Variants in XKR5 observed in about 807,000 individuals in gnomAD.
XKR5 encodes XK-related protein 5.
Under a neutral mutation model 40.8 loss-of-function variants are expected in XKR5, and 46 were observed. The ratio of observed to expected loss-of-function variants is 1.13; its 90% CI spans 0.89 to 1.44. The LOEUF (loss-of-function observed/expected upper bound fraction) is 1.44. XKR5 is among the 40% of genes most tolerant of loss of function. The pLI, the probability that XKR5 is intolerant of heterozygous loss-of-function variation, is 0.00. For synonymous variants in XKR5, 466 were observed against 356.1 expected, an observed-to-expected ratio of 1.31 and a Z score of -3.48; for missense variants, 1,169 against 844.7, an observed-to-expected ratio of 1.38 and a Z score of -4.76.
At chr8:6,815,743 C>T in intron 6 of XKR5, 64 bp downstream of exon 6, 1 of 1,179,914 alleles carries the variant, frequency 8.5e-7, no homozygotes, top group Non-Finnish European at 1.2e-6. Context: ...CCTTTGAGCC[C>T]ATTGTAAAAA....
rs1475924857 is a variant in XKR5, at chr8:6,821,851, A to C, written c.807+18T>G. 3 of 1,610,414 alleles carry C rather than the reference A, an allele frequency of 1.9e-6. No individual in the cohort carries two copies. Among genetic ancestry groups the C allele is most frequent in the Non-Finnish European group, 2.5e-6 (3 of 1,178,126 alleles). On this transcript the variant is annotated intron_variant, in intron 5 of 6. Transcript: ENST00000618742. ...TGTATACACTGTAAAAGTTAGGATA[A>C]AGAAAAGTGCCACTTGCCATGTAGA...
chr8:6,830,134 G>C (rs1804694039), intron 2 of XKR5, among the ~76,000 whole-genome samples: 2 of 152,200 alleles, frequency 1.3e-5, no homozygotes, highest in South Asian at 2.1e-4. Flanking sequence ...ACCGCGCCAG[G>C]CCTCAATCCT....
intron 2 of XKR5, among the ~76,000 whole-genome samples, chr8:6,832,408 T>C (rs1318054140): frequency 6.6e-6 from 1 of 152,194 alleles, no homozygotes; most frequent in Non-Finnish European, 1.5e-5. Context: ...TAAGTTGCTT[T>C]ATATGGAACT....
At position 6,830,238 on chromosome 8, in the gene XKR5, T is replaced by G. The variant is rs187092896; in HGVS notation, c.242+2479A>C. On this transcript the variant is annotated intron_variant, in intron 2 of 6. Transcript: ENST00000618742. ...GAGGACACTCAAAGTGACCTATTCTTAGGCAATTCAAAATTGTGCCAAACG... is the reference window on the plus strand; with the variant it reads ...GAGGACACTCAAAGTGACCTATTCTGAGGCAATTCAAAATTGTGCCAAACG... Among the ~76,000 whole-genome samples, 3 of 152,336 alleles carry G rather than the reference T, an allele frequency of 2.0e-5. No homozygotes were observed. The East Asian group carries it at 5.8e-4, about 29-fold the overall frequency.
chr8:6,821,223 C>T lies in XKR5; in HGVS notation c.807+646G>A, dbSNP rs142004548. Among the ~76,000 whole-genome samples, 3 of 152,296 alleles carry T rather than the reference C, an allele frequency of 2.0e-5. No individual in the cohort carries two copies. In the East Asian group the frequency reaches 5.8e-4, roughly 29 times the overall value. On this transcript the variant is annotated intron_variant, in intron 5 of 6. Coordinates refer to ENST00000618742, the MANE Select transcript of XKR5 (RefSeq NM_207411.5). ...ATGTGATTGTATTTTCTCTCCTTTG[C>T]CCATTATAATCCAGCTCAACCTCCA... is the stretch of plus-strand genomic sequence containing the variant.
intron 5 of XKR5, among the ~76,000 whole-genome samples, chr8:6,816,213 A>G (rs1803952796): frequency 6.6e-6 from 1 of 152,116 alleles, no homozygotes; most frequent in African/African-American, 2.4e-5. Context: ...GAGAGTCATT[A>G]TGGGCTGAGA....
intron 5 of XKR5, among the ~76,000 whole-genome samples, chr8:6,820,277 A>G (rs1804172712): frequency 1.3e-5 from 2 of 152,192 alleles, no homozygotes; most frequent in African/African-American, 2.4e-5. Flanking sequence ...CCACTGTGGT[A>G]GATCTCACTC....
intron 4 of XKR5, among the ~76,000 whole-genome samples, chr8:6,822,669 C>G: frequency 6.6e-6 from 1 of 152,324 alleles, no homozygotes; most frequent in East Asian, 1.9e-4. Flanking sequence ...GTAAACTGTT[C>G]CTTCTTGCAG....
chr8:6,832,996 G>T, intron 1 of XKR5, 96 bp from the exon 2 acceptor site: 1 of 1,165,264 alleles, frequency 8.6e-7, no homozygotes. Context: ...TGGATGTTAT[G>T]ATGTTCTGAC....
chr8:6,835,458 C>T lies in XKR5; in HGVS notation c.36G>A (p.Leu12=), dbSNP rs940303016. The T allele has an allele frequency of 1.1e-5, 17 of 1,500,846 alleles. No individual in the cohort carries two copies. The highest frequency in any genetic ancestry group is 8.1e-5 in the East Asian group (3 of 36,838). 93.0% of individuals were successfully genotyped at this position (1,500,846 alleles called of 1,614,324 possible). ...CACGCGCGCTCTGCTCGGCCGCCTG[C>T]AGCAGGGCCGAGAGCCCCAGGAGCC... ...HARLLGLSAL[L]QAAEQSARLY... is the part of the protein sequence containing the mutation. The change falls in exon 1 of 7, where the codon CTG becomes CTA. Residue 12 remains leucine, a synonymous_variant. Transcript: ENST00000618742.
chr8:6,822,581 C>G (rs932152510), intron 4 of XKR5, among the ~76,000 whole-genome samples: 1 of 152,042 alleles, frequency 6.6e-6, no homozygotes, highest in African/African-American at 2.4e-5. Context: ...ATCTTTTTGG[C>G]CAATAACTGT....
At chr8:6,830,614 C>G (rs976226786) in intron 2 of XKR5, among the ~76,000 whole-genome samples, 2 of 152,148 alleles carry the variant, frequency 1.3e-5, no homozygotes, top group African/African-American at 2.4e-5. Flanking sequence ...CCTGGCCTTT[C>G]TCATTTCTTT....
chr8:6,809,669 C>A lies in XKR5; in HGVS notation c.*1529G>T, dbSNP rs1318398697. 1 of 152,146 alleles carries A rather than the reference C, an allele frequency of 6.6e-6. No individual in the cohort carries two copies. Among genetic ancestry groups the A allele is most frequent in the African/African-American group, 2.4e-5 (1 of 41,408 alleles). The allele number at this position is 152,146 out of a possible 1,614,324, so 9.4% of individuals were successfully genotyped here. ...TCCCCGATTGGCTTATGTGGCTGGCCAGGAGGATGCTGATGGTCTGAGAGC... is the reference window on the plus strand; with the variant it reads ...TCCCCGATTGGCTTATGTGGCTGGCAAGGAGGATGCTGATGGTCTGAGAGC... On this transcript the variant is annotated 3_prime_UTR_variant, in exon 7 of 7. Transcript: ENST00000618742.
Position 6,825,923 on chromosome 8 carries a change from C to T in XKR5, c.243-574G>A, listed in dbSNP as rs572244826. Among the ~76,000 whole-genome samples the T allele has an allele frequency of 7.2e-5, 11 of 152,206 alleles. No homozygotes were observed. The South Asian group carries it at 1.0e-3, about 14-fold the overall frequency. The stretch of plus-strand genomic sequence containing the variant: ...AGGTCCAGGTGGCTGGAGCACCATG[C>T]GGAGCTTGGAGGCTGATGTGGTCCC... On this transcript the variant is annotated intron_variant, in intron 2 of 6. Transcript: ENST00000618742.
intron 5 of XKR5, among the ~76,000 whole-genome samples, chr8:6,817,728 C>A (rs1247419333): frequency 6.6e-6 from 1 of 152,212 alleles, no homozygotes; most frequent in South Asian, 2.1e-4. Context: ...CAAATCATTT[C>A]GCTGCGCTCT....
intron 2 of XKR5, among the ~76,000 whole-genome samples, chr8:6,826,154 T>C (rs1441796259): frequency 2.0e-5 from 3 of 152,190 alleles, no homozygotes; most frequent in African/African-American, 7.2e-5. Flanking sequence ...TGTGTATGTA[T>C]CTGCATGTGC....
At chr8:6,825,877 G>T (rs148647547) in intron 2 of XKR5, among the ~76,000 whole-genome samples, 1 of 152,190 alleles carries the variant, frequency 6.6e-6, no homozygotes, top group African/African-American at 2.4e-5. Context: ...GGATCTGGAG[G>T]CTTTGCTGGG....
chr8:6,825,084 G>C lies in XKR5; in HGVS notation c.427+81C>G, dbSNP rs552333092. ...TCCTAAGCAGAGGAAATCTCGAAGG[G>C]AGGGTTTTGCTAAACAGGCTCACAT... On this transcript the variant is annotated intron_variant, in intron 3 of 6. Transcript: ENST00000618742. 217 of 1,539,024 alleles carry C rather than the reference G, an allele frequency of 1.4e-4. 2 individuals carry two copies. The highest frequency in any genetic ancestry group is 1.9e-4 in the Non-Finnish European group (213 of 1,126,900).
At position 6,810,007 on chromosome 8, in the gene XKR5, A is replaced by T. The variant is rs990485281; in HGVS notation, c.*1191T>A. 1 of 152,186 alleles carries T rather than the reference A, an allele frequency of 6.6e-6. No homozygotes were observed. Among genetic ancestry groups the T allele is most frequent in the Non-Finnish European group, 1.5e-5 (1 of 68,088 alleles). 9.4% of individuals were successfully genotyped at this position (152,186 alleles called of 1,614,324 possible). Reference sequence around the variant, plus strand: ...ACCTGCCAGTAGTCCCAGCTACTCGAGAGGCTGAGGTGAGAGGATTGCTTA... The same window carrying T: ...ACCTGCCAGTAGTCCCAGCTACTCGTGAGGCTGAGGTGAGAGGATTGCTTA... On this transcript the variant is annotated 3_prime_UTR_variant, in exon 7 of 7. Transcript: ENST00000618742.
Sources: gnomAD v4.1 joint callset for allele counts (sites outside exome capture counted in the v4.1 genomes callset) on GRCh38, gnomAD v4.1.1 for gene constraint, MANE v1.5 for transcripts, NCBI Gene and HGNC (gene_info 2026-07-23, HGNC 2026-07-21) for gene names.